Variants in ZNF426 observed in about 807,000 individuals in gnomAD.
ZNF426 encodes CTC-543D15.7.
ZNF426 carries 23 observed loss-of-function variants against 24.0 expected under a neutral mutation model. The ratio of observed to expected loss-of-function variants is 0.96; its 90% confidence interval spans 0.69 to 1.36. The LOEUF is 1.36. ZNF426 is among the 40% of genes most tolerant of loss of function. The pLI is 0.00. For synonymous variants in ZNF426, 272 were observed against 224.6 expected, an observed-to-expected ratio of 1.21 and a Z score of -1.89; for missense variants, 646 against 658.4, an observed-to-expected ratio of 0.98 and a Z score of 0.21.
chr19:9,533,808 T>C (rs896265213), intron 5 of ZNF426, 32 bp downstream of exon 5: 15 of 1,612,952 alleles, frequency 9.3e-6, no homozygotes, highest in Admixed American at 1.7e-5. Context: ...ATCAGTTCCA[T>C]AGAAGGCTGC....
Position 9,535,180 on chromosome 19 carries a change from C to G in ZNF426, c.117+8G>C, listed in dbSNP as rs1392710043. On this transcript the variant is annotated splice_region_variant and intron_variant, in intron 4 of 7. Transcript: ENST00000253115. ...GTCACTATGTATAAGAATACAGCTG[C>G]TTTTTACCTGATAACAATCTGTTAG... The G allele has an allele frequency of 3.0e-5, 49 of 1,607,816 alleles. No homozygotes were observed. The highest frequency in any genetic ancestry group is 3.9e-5 in the Non-Finnish European group (46 of 1,176,082).
In ZNF426 at chr19:9,528,298, C is replaced by G; in HGVS notation, c.*82G>C. 1 of 1,373,628 alleles carries G rather than the reference C, an allele frequency of 7.3e-7. No individual in the cohort carries two copies. Among genetic ancestry groups the G allele is most frequent in the Non-Finnish European group, 9.9e-7 (1 of 1,008,852 alleles). 85.1% of individuals were successfully genotyped at this position (1,373,628 alleles called of 1,614,324 possible). ...GTAATTTTCATGCAGCTTCTTCTCTCCAGAGTGAGTTCATTCATGTCTTTA... is the reference window on the plus strand; with the variant it reads ...GTAATTTTCATGCAGCTTCTTCTCTGCAGAGTGAGTTCATTCATGTCTTTA... On this transcript the variant is annotated 3_prime_UTR_variant, in exon 8 of 8. Transcript: ENST00000253115.
chr19:9,528,530 T>C lies in ZNF426; in HGVS notation c.1515A>G (p.Glu505=), dbSNP rs758198893. ...ERTHTGEKPY[E]CKECGKAFTC... ...TGAAGGCTTTCCCACACTCCTTGCA[T>C]TCATAGGGTTTCTCTCCAGTGTGAG... Residue 505 remains glutamate (E), a synonymous_variant, in exon 8 of 8, where the codon GAA becomes GAG. Coordinates refer to ENST00000253115, the MANE Select transcript of ZNF426 (RefSeq NM_024106.3). 2 of 1,614,184 alleles carry C rather than the reference T, an allele frequency of 1.2e-6. No individual in the cohort carries two copies. Among genetic ancestry groups the C allele is most frequent in the South Asian group, 1.1e-5 (1 of 91,086 alleles).
intron 4 of ZNF426, 91 bp from the exon 5 acceptor site, chr19:9,534,057 A>C: frequency 2.0e-6 from 3 of 1,536,880 alleles, no homozygotes; most frequent in Non-Finnish European, 2.6e-6. Flanking sequence ...ATGCCTATGC[A>C]GGATTCCAAG....
rs1392346204 is a variant in ZNF426 at position 9,523,853 on chromosome 19, C to T, written c.*4527G>A. On this transcript the variant is annotated 3_prime_UTR_variant, in exon 8 of 8. Coordinates refer to ENST00000253115, the MANE Select transcript of ZNF426 (RefSeq NM_024106.3). ...TCCTACATTCACCTCCTGCTGTGCA[C>T]CCTGGATCCTAGCAGGCCACAGACC... 6.6e-6 allele frequency: 1 copy of T among 152,268 alleles called. No individual in the cohort carries two copies. The highest frequency in any genetic ancestry group is 1.5e-5 in the Non-Finnish European group (1 of 68,088). 9.4% of individuals were successfully genotyped at this position (152,268 alleles called of 1,614,324 possible).
chr19:9,536,083 G>C, intron 3 of ZNF426, 125 bp downstream of exon 3: 1 of 1,232,124 alleles, frequency 8.1e-7, no homozygotes, highest in East Asian at 2.3e-5. Context: ...AAGACAGCAC[G>C]TTCTGGCACC....
At chr19:9,532,005 A>G in intron 6 of ZNF426, among the ~76,000 whole-genome samples, 1 of 152,108 alleles carries the variant, frequency 6.6e-6, no homozygotes, top group Non-Finnish European at 1.5e-5. Context: ...ACAAACAAAC[A>G]AAAGCCACAA....
intron 7 of ZNF426, 89 bp from the exon 8 acceptor site, chr19:9,529,725 A>G: frequency 7.9e-7 from 1 of 1,272,394 alleles, no homozygotes; most frequent in Non-Finnish European, 1.1e-6. Context: ...TATAATGGTG[A>G]TTATAATTGA....
intron 1 of ZNF426, 30 bp downstream of exon 1, chr19:9,538,545 C>T (rs1048774212): frequency 2.0e-5 from 3 of 152,250 alleles, no homozygotes; most frequent in Admixed American, 2.0e-4. Context: ...GTCCTTCACC[C>T]CAAAACCAGT....
intron 4 of ZNF426, among the ~76,000 whole-genome samples, chr19:9,534,872 G>GGT (rs1312869905): frequency 6.6e-6 from 1 of 152,090 alleles, no homozygotes; most frequent in African/African-American, 2.4e-5. Context: ...TGGGATTATG[G>GGT]GTGTAAGCCA....
intron 5 of ZNF426, 117 bp downstream of exon 5, chr19:9,533,723 G>C: frequency 7.1e-7 from 1 of 1,411,060 alleles, no homozygotes; most frequent in African/African-American, 1.4e-5. Flanking sequence ...TTAGGACAGG[G>C]ACTATGTCTC....
At chr19:9,534,318 G>T (rs1457532645) in intron 4 of ZNF426, among the ~76,000 whole-genome samples, 4 of 151,662 alleles carry the variant, frequency 2.6e-5, no homozygotes, top group Non-Finnish European at 5.9e-5. Context: ...CAACTCTCCT[G>T]CTTCAGCCTC....
chr19:9,528,969 C>T lies in ZNF426; in HGVS notation c.1076G>A (p.Ser359Asn), dbSNP rs750549409. Residue 359 changes from serine (S) to asparagine (N), a missense_variant, in exon 8 of 8, where the codon AGT (serine) becomes AAT (asparagine). By Grantham distance (46) the Ser-to-Asn change is conservative. Coordinates refer to ENST00000253115, the MANE Select transcript of ZNF426 (RefSeq NM_024106.3). ...SGLSMHVRSH[S>N]GDKPYECKEC... ...CTTACATTCATAGGGCTTGTCTCCA[C>T]TGTGAGATCGTACATGCATACTAAG... The T allele has an allele frequency of 6.2e-7, 1 of 1,613,596 alleles. No individual in the cohort carries two copies. The highest frequency in any genetic ancestry group is 1.1e-5 in the South Asian group (1 of 91,040).
intron 6 of ZNF426, 120 bp downstream of exon 6, chr19:9,532,725 T>C: frequency 1.8e-5 from 12 of 669,900 alleles, no homozygotes; most frequent in Non-Finnish European, 3.1e-5. Context: ...ATTTCCTAAC[T>C]TTCTCTAAAC....
chr19:9,525,320 A>G lies in ZNF426; in HGVS notation c.*3060T>C, dbSNP rs2073781543. ...AAGGATTATATAAATCCTTTTCAAC[A>G]TTTCTTATGCTGAAAGGGCATCTCT... On this transcript the variant is annotated 3_prime_UTR_variant, in exon 8 of 8. Transcript: ENST00000253115. The G allele has an allele frequency of 6.6e-6, 1 of 152,176 alleles. No homozygotes were observed. Among genetic ancestry groups the G allele is most frequent in the African/African-American group, 2.4e-5 (1 of 41,428 alleles). The allele number at this position is 152,176 out of a possible 1,614,324, so 9.4% of individuals were successfully genotyped here.
At chr19:9,532,458 G>A (rs145779450) in intron 6 of ZNF426, among the ~76,000 whole-genome samples, 296 of 151,022 alleles carry the variant, frequency 2.0e-3, no homozygotes, top group African/African-American at 6.1e-3. Context: ...CACCACCCTC[G>A]GCTAATTTTT....
At chr19:9,536,567 CAA>C in intron 2 of ZNF426, 1 of 311,124 alleles carries the variant, frequency 3.2e-6, no homozygotes, top group East Asian at 6.6e-5. Context: ...AGTAAACAAA[CAA>C]AAAAAAATGA....
At chr19:9,532,504 C>T (rs1371074586) in intron 6 of ZNF426, among the ~76,000 whole-genome samples, 1 of 151,840 alleles carries the variant, frequency 6.6e-6, no homozygotes, top group African/African-American at 2.4e-5. Context: ...CGGTATGTTG[C>T]CCAGGCTGGT....
rs1457698873 is a variant in ZNF426 at position 9,529,386 on chromosome 19, T to C, written c.659A>G (p.Gln220Arg). Residue 220 changes from glutamine to arginine, a missense_variant, in exon 8 of 8, where the codon CAA becomes CGA. Gln to Arg is a conservative substitution (Grantham distance 43). Coordinates refer to ENST00000253115, the MANE Select transcript of ZNF426 (RefSeq NM_024106.3). ...GTGACTACATTCAAATGACTTTTCT[T>C]GTGTGCTAGTTCTCTGGTATACAAT... ...PNIVYQRTST[Q>R]EKSFECSHCG... The C allele has an allele frequency of 3.1e-6, 5 of 1,614,078 alleles. No individual in the cohort carries two copies. In the African/African-American group the frequency reaches 5.3e-5, roughly 17 times the overall value.
Sources: allele counts gnomAD v4.1 joint callset (sites outside exome capture counted in the v4.1 genomes callset), GRCh38; gene constraint gnomAD v4.1.1; transcripts MANE v1.5; gene names NCBI Gene and HGNC (gene_info 2026-07-23, HGNC 2026-07-21).